Variants in EEFSEC observed in about 807,000 individuals in gnomAD.
The protein encoded by EEFSEC is selenocysteine-specific elongation factor.
EEFSEC carries 43 observed loss-of-function variants against 42.1 expected under a neutral mutation model. The ratio of observed to expected loss-of-function variants is 1.02; its 90% CI spans 0.80 to 1.32. The LOEUF is 1.32. Among genes scored for constraint, EEFSEC ranks in the 40% most tolerant of loss-of-function variants. EEFSEC has a pLI of 0.00. For synonymous variants in EEFSEC, 354 were observed against 339.1 expected (o/e 1.04, Z -0.48); for missense variants, 745 against 803.6 (o/e 0.93, Z 0.88).
At chr3:128,362,846 CA>C (rs1421784352) in intron 6 of EEFSEC, among the ~76,000 whole-genome samples, 1 of 152,228 alleles carries the variant, frequency 6.6e-6, no homozygotes, top group African/African-American at 2.4e-5. Context: ...AAAGGGTACT[CA>C]TATCTCAGGC....
chr3:128,300,256 G>C (rs1355850466), intron 4 of EEFSEC, among the ~76,000 whole-genome samples: 1 of 152,320 alleles, frequency 6.6e-6, no homozygotes, highest in East Asian at 1.9e-4. Context: ...ACTGTAAGCA[G>C]GAATCTGGCC....
At chr3:128,276,704 C>T (rs1282776238) in intron 4 of EEFSEC, among the ~76,000 whole-genome samples, 1 of 152,168 alleles carries the variant, frequency 6.6e-6, no homozygotes, top group Non-Finnish European at 1.5e-5. Context: ...TACAGTTCAC[C>T]TTCTACCAGT....
Position 128,279,682 on chromosome 3 carries a change from A to AG in EEFSEC, c.786+14904dup, listed in dbSNP as rs1483508025. 7.2e-5 allele frequency among the ~76,000 whole-genome samples: 11 copies of AG among 152,330 alleles called. No individual in the cohort carries two copies. The East Asian group carries it at 1.9e-3, about 27-fold the overall frequency. On this transcript the variant is annotated intron_variant, in intron 4 of 6. Coordinates refer to ENST00000254730, the MANE Select transcript of EEFSEC (RefSeq NM_021937.5). ...CCAGAGTTGTATGCCAGTAGGAGCC[A>AG]GGGTCCAGGATTGGTGTTGCTCCAC...
At chr3:128,368,444 C>CA (rs531725881) in intron 6 of EEFSEC, among the ~76,000 whole-genome samples, 3,840 of 46,266 alleles carry the variant, frequency 0.083, 99 homozygotes, top group African/African-American at 0.28. Flanking sequence ...CCAAAAAAAA[C>CA]AAAAAAAAAA....
intron 5 of EEFSEC, among the ~76,000 whole-genome samples, chr3:128,344,167 C>T (rs1339843043): frequency 1.3e-5 from 2 of 152,238 alleles, no homozygotes; most frequent in Non-Finnish European, 2.9e-5. Context: ...TAGGCTGGGG[C>T]TTCTGTGCCA....
At chr3:128,420,066 G>A in the EEFSEC span, among the ~76,000 whole-genome samples, 1 of 152,268 alleles carries the variant, frequency 6.6e-6, no homozygotes, top group African/African-American at 2.4e-5. Flanking sequence ...ATGGAGACGG[G>A]AAGAAAGAGT....
At chr3:128,243,791 A>G (rs1432519308) in intron 1 of EEFSEC, among the ~76,000 whole-genome samples, 1 of 151,974 alleles carries the variant, frequency 6.6e-6, no homozygotes, top group African/African-American at 2.4e-5. Context: ...GGAGGGGGAG[A>G]AATTGTGGGC....
intron 4 of EEFSEC, among the ~76,000 whole-genome samples, chr3:128,288,594 A>G (rs1404564848): frequency 6.6e-6 from 1 of 152,204 alleles, no homozygotes; most frequent in East Asian, 1.9e-4. Flanking sequence ...CACTGTGGCC[A>G]TTGACTTCAG....
chr3:128,262,963 A>C (rs2066314256), intron 3 of EEFSEC, among the ~76,000 whole-genome samples: 1 of 152,092 alleles, frequency 6.6e-6, no homozygotes, highest in Admixed American at 6.5e-5. Flanking sequence ...TAGCTCCACC[A>C]CCACTCTCTC....
Position 128,231,860 on chromosome 3 carries a change from G to T in EEFSEC, c.317-14976G>T, listed in dbSNP as rs570206767. Among the ~76,000 whole-genome samples the T allele has an allele frequency of 9.8e-5, 15 of 152,300 alleles. No homozygotes were observed. The South Asian group carries it at 3.1e-3, about 32-fold the overall frequency. On this transcript the variant is annotated intron_variant, in intron 1 of 6. Coordinates refer to ENST00000254730, the MANE Select transcript of EEFSEC (RefSeq NM_021937.5). ...TGTCGTATCTCCCCCGACTCCCCCAGCTGAGAGAACTGGGAGAGACACGAG... is the reference window on the plus strand; with the variant it reads ...TGTCGTATCTCCCCCGACTCCCCCATCTGAGAGAACTGGGAGAGACACGAG...
intron 6 of EEFSEC, among the ~76,000 whole-genome samples, chr3:128,384,480 C>T (rs1342046008): frequency 1.3e-5 from 2 of 152,184 alleles, no homozygotes; most frequent in Admixed American, 6.5e-5. Context: ...GTGCTCAGGA[C>T]CCAGCATACA....
At chr3:128,228,034 G>T (rs572957991) in intron 1 of EEFSEC, among the ~76,000 whole-genome samples, 15 of 152,314 alleles carry the variant, frequency 9.8e-5, no homozygotes, top group Admixed American at 3.9e-4. Flanking sequence ...CCACCACTGA[G>T]GACTAGAGAA....
intron 4 of EEFSEC, among the ~76,000 whole-genome samples, chr3:128,296,612 G>A (rs2066708772): frequency 6.6e-6 from 1 of 151,732 alleles, no homozygotes; most frequent in South Asian, 2.1e-4. Flanking sequence ...ATCCATGTGG[G>A]CACCTCAGGA....
chr3:128,199,804 G>A (rs942239465), intron 1 of EEFSEC, among the ~76,000 whole-genome samples: 2 of 152,124 alleles, frequency 1.3e-5, no homozygotes, highest in African/African-American at 4.8e-5. Flanking sequence ...CAAGATCTTG[G>A]CTCACTGCAA....
intron 4 of EEFSEC, among the ~76,000 whole-genome samples, chr3:128,327,589 G>C (rs1320683305): frequency 6.6e-6 from 1 of 152,194 alleles, no homozygotes; most frequent in Non-Finnish European, 1.5e-5. Context: ...AGGAATAAGG[G>C]AGATGGGCCA....
At chr3:128,423,329 G>A in the EEFSEC span, among the ~76,000 whole-genome samples, 1 of 152,198 alleles carries the variant, frequency 6.6e-6, no homozygotes, top group Non-Finnish European at 1.5e-5. Flanking sequence ...AAAAAGGAAT[G>A]AAGGCCAGGT....
At chr3:128,209,909 T>C (rs1576547099) in intron 1 of EEFSEC, among the ~76,000 whole-genome samples, 1 of 152,232 alleles carries the variant, frequency 6.6e-6, no homozygotes, top group Non-Finnish European at 1.5e-5. Context: ...TTTCTTACAA[T>C]ATAATGCCAG....
At chr3:128,202,750 T>C (rs1299682194) in intron 1 of EEFSEC, among the ~76,000 whole-genome samples, 3 of 152,220 alleles carry the variant, frequency 2.0e-5, no homozygotes, top group Non-Finnish European at 1.5e-5. Context: ...TGACAAATCA[T>C]TTCATATTTC....
At chr3:128,302,615 G>GT (rs138506438) in intron 4 of EEFSEC, among the ~76,000 whole-genome samples, 2,999 of 150,164 alleles carry the variant, frequency 0.02, 100 homozygotes, top group African/African-American at 0.069. Flanking sequence ...TTTGTTTTTT[G>GT]TTTTTTTTTG....
Sources: gnomAD v4.1 joint callset for allele counts (sites outside exome capture counted in the v4.1 genomes callset) on GRCh38, gnomAD v4.1.1 for gene constraint, MANE v1.5 for transcripts, NCBI Gene and HGNC (gene_info 2026-07-23, HGNC 2026-07-21) for gene names.